CDH13: variants seen among roughly 807,000 people sequenced by gnomAD.
The protein encoded by CDH13 is cadherin-13.
In CDH13, 24 loss-of-function variants were observed where a neutral mutation model predicts 63.8. That is an observed-to-expected ratio of 0.38 (90% CI 0.27 to 0.53). The LOEUF is 0.53. Among genes scored for constraint, CDH13 ranks in the 20% least tolerant of loss-of-function variants. The pLI is 0.85. For synonymous variants in CDH13, 503 were observed against 355.3 expected (o/e 1.42, Z -4.67); for missense variants, 1,049 against 903.1 (o/e 1.16, Z -2.07).
intron 2 of CDH13, among the ~76,000 whole-genome samples, chr16:82,941,327 C>T (rs540776067): frequency 2.0e-5 from 3 of 152,122 alleles, no homozygotes; most frequent in Non-Finnish European, 1.5e-5. Context: ...ATCTAGATAG[C>T]GTTGGACCAA....
chr16:82,845,183 C>G (rs1274623619), intron 1 of CDH13, among the ~76,000 whole-genome samples: 1 of 152,076 alleles, frequency 6.6e-6, no homozygotes, highest in Admixed American at 6.5e-5. Context: ...CTGTAGACAG[C>G]CAGGGGCCAG....
At chr16:83,322,095 C>G (rs1454767041) in intron 5 of CDH13, among the ~76,000 whole-genome samples, 1 of 152,156 alleles carries the variant, frequency 6.6e-6, no homozygotes, top group Non-Finnish European at 1.5e-5. Context: ...TTAAGGAAAA[C>G]AAGGGGCTGT....
At chr16:83,138,244 C>T (rs1378338530) in intron 4 of CDH13, among the ~76,000 whole-genome samples, 3 of 152,088 alleles carry the variant, frequency 2.0e-5, no homozygotes, top group Non-Finnish European at 4.4e-5. Flanking sequence ...GAAATATTTA[C>T]TGAGCAACTA....
intron 4 of CDH13, among the ~76,000 whole-genome samples, chr16:83,136,645 C>G (rs994975676): frequency 5.3e-5 from 8 of 152,182 alleles, no homozygotes; most frequent in African/African-American, 1.9e-4. Context: ...TGTTCCTTCT[C>G]TGCCGGACAG....
chr16:83,722,364 G>C (rs189442823), intron 10 of CDH13, among the ~76,000 whole-genome samples: 1 of 152,228 alleles, frequency 6.6e-6, no homozygotes, highest in Non-Finnish European at 1.5e-5. Context: ...TTCGTAGGGA[G>C]ATGGTGTAGC....
intron 3 of CDH13, among the ~76,000 whole-genome samples, chr16:83,052,553 G>C (rs372628879): frequency 6.6e-6 from 1 of 152,144 alleles, no homozygotes; most frequent in Non-Finnish European, 1.5e-5. Context: ...GCCAAGGCGG[G>C]CAGATCACCT....
Position 83,204,123 on chromosome 16 carries a change from G to A in CDH13, c.484-13222G>A, listed in dbSNP as rs558656145. Among the ~76,000 whole-genome samples the A allele has an allele frequency of 1.4e-4, 21 of 152,334 alleles. No homozygotes were observed. The South Asian group carries it at 2.9e-3, about 21-fold the overall frequency. ...GAATGGCCATGTCACACGGAGTTCC[G>A]ATTGGGAGCTCTTCCATCAGTGTCG... On this transcript the variant is annotated intron_variant, in intron 4 of 13. Transcript: ENST00000567109.
intron 4 of CDH13, among the ~76,000 whole-genome samples, chr16:83,196,220 C>T (rs905474929): frequency 4.6e-5 from 7 of 151,988 alleles, no homozygotes; most frequent in Admixed American, 1.3e-4. Context: ...CACGCCATTG[C>T]GCTCCAGCCT....
At position 82,967,282 on chromosome 16, in the gene CDH13, C is replaced by G. The variant is rs542936452; in HGVS notation, c.158-64728C>G. On this transcript the variant is annotated intron_variant, in intron 2 of 13. Transcript: ENST00000567109. ...CTACCTCCACATTTTAGGTGATTCT[C>G]TTTCCTCTTACATTTTCTCATAGTC... 1.3e-4 allele frequency among the ~76,000 whole-genome samples: 20 copies of G among 152,226 alleles called. No homozygotes were observed. The South Asian group carries it at 3.1e-3, about 24-fold the overall frequency.
chr16:82,906,480 C>A (rs552613418), intron 2 of CDH13, among the ~76,000 whole-genome samples: 1 of 152,246 alleles, frequency 6.6e-6, no homozygotes, highest in African/African-American at 2.4e-5. Flanking sequence ...AGAATAATAA[C>A]CACAAAAGGA....
chr16:83,114,278 G>A lies in CDH13; in HGVS notation c.367-11107G>A, dbSNP rs76088436. On this transcript the variant is annotated intron_variant, in intron 3 of 13. Coordinates refer to ENST00000567109, the MANE Select transcript of CDH13 (RefSeq NM_001257.5). ...CCTCTGATGTGTGACTTTCATTACT[G>A]GAGATGTTGTTTCTGATGTTGCTGG... Among the ~76,000 whole-genome samples the A allele has an allele frequency of 3.4e-3, 513 of 152,242 alleles. 2 individuals are homozygous for A. Among genetic ancestry groups the A allele is most frequent in the African/African-American group, 0.011 (460 of 41,530 alleles).
chr16:83,484,645 G>A (rs1447934639), intron 6 of CDH13, among the ~76,000 whole-genome samples: 1 of 152,304 alleles, frequency 6.6e-6, no homozygotes, highest in East Asian at 1.9e-4. Context: ...CGATGACCAT[G>A]CCAAATCCCA....
At chr16:83,389,722 A>T (rs1162389857) in intron 6 of CDH13, among the ~76,000 whole-genome samples, 2 of 152,164 alleles carry the variant, frequency 1.3e-5, no homozygotes, top group African/African-American at 2.4e-5. Context: ...ACTCCCCTCA[A>T]ACTCCAATGA....
At chr16:83,785,099 G>A (rs192330163) in intron 13 of CDH13, among the ~76,000 whole-genome samples, 11 of 152,278 alleles carry the variant, frequency 7.2e-5, no homozygotes, top group East Asian at 5.8e-4. Flanking sequence ...CAGATAATTC[G>A]GCTGTACAGC....
At chr16:82,758,433 C>A (rs986200718) in intron 1 of CDH13, among the ~76,000 whole-genome samples, 3 of 151,938 alleles carry the variant, frequency 2.0e-5, no homozygotes, top group Admixed American at 6.6e-5. Flanking sequence ...GATACCCCCC[C>A]CCCTTTGCTT....
intron 8 of CDH13, among the ~76,000 whole-genome samples, chr16:83,620,389 CAAAA>C (rs60446363): frequency 2.1e-5 from 2 of 97,354 alleles, no homozygotes; most frequent in East Asian, 3.3e-4. Flanking sequence ...GACTCCGTCT[CAAAA>C]AAAAAAAAAA....
At chr16:82,896,693 T>C (rs1351297790) in intron 2 of CDH13, among the ~76,000 whole-genome samples, 1 of 150,532 alleles carries the variant, frequency 6.6e-6, no homozygotes, top group Non-Finnish European at 1.5e-5. Context: ...TCAGACCAGA[T>C]GCAGGTCTGA....
chr16:82,951,785 A>G (rs556378144), intron 2 of CDH13, among the ~76,000 whole-genome samples: 1 of 152,320 alleles, frequency 6.6e-6, no homozygotes, highest in South Asian at 2.1e-4. Context: ...ATTCAAGGAC[A>G]TAAATTCACA....
intron 1 of CDH13, among the ~76,000 whole-genome samples, chr16:82,647,349 A>G (rs928046861): frequency 2.0e-5 from 3 of 152,218 alleles, no homozygotes; most frequent in African/African-American, 7.2e-5. Context: ...TAAGTGTCAC[A>G]GTCTCAGTTT....
Sources: gnomAD v4.1 joint callset for allele counts (sites outside exome capture counted in the v4.1 genomes callset) on GRCh38, gnomAD v4.1.1 for gene constraint, MANE v1.5 for transcripts, NCBI Gene and HGNC (gene_info 2026-07-23, HGNC 2026-07-21) for gene names.